Variants in ITGA1 observed in about 807,000 individuals in gnomAD.
ITGA1 encodes integrin alpha-1.
In ITGA1, 85 loss-of-function variants were observed where a neutral mutation model predicts 145.9. The observed-to-expected ratio is 0.58, with a 90% CI of 0.49 to 0.70. The LOEUF (loss-of-function observed/expected upper bound fraction) is 0.70. Among genes scored for constraint, ITGA1 ranks in the 30% least tolerant of loss-of-function variants. The probability of loss-of-function intolerance (pLI) is 0.00; values close to 1 mark genes in which losing one functional copy is unlikely to be tolerated. For missense variants in ITGA1, 1,351 were observed against 1,418.7 expected (o/e 0.95, Z 0.77); for synonymous variants, 520 against 495.3 (o/e 1.05, Z -0.66).
intron 1 of ITGA1, among the ~76,000 whole-genome samples, chr5:52,834,307 C>G (rs1256739686): frequency 6.6e-6 from 1 of 152,096 alleles, no homozygotes; most frequent in African/African-American, 2.4e-5. Flanking sequence ...GCTCTAGAAG[C>G]TAGAAGGCCA....
intron 1 of ITGA1, among the ~76,000 whole-genome samples, chr5:52,799,146 C>T (rs564881003): frequency 7.9e-4 from 121 of 152,292 alleles, no homozygotes; most frequent in Non-Finnish European, 1.3e-3. Flanking sequence ...CTGCCCTCCA[C>T]TCCATCTAAG....
intron 11 of ITGA1, chr5:52,904,808 G>A (rs1189720134): frequency 6.7e-6 from 1 of 148,978 alleles, no homozygotes; most frequent in Non-Finnish European, 1.5e-5. Context: ...AGCCGAGATC[G>A]CGCCACTGCA....
chr5:52,889,475 T>G (rs1750109129), intron 8 of ITGA1, among the ~76,000 whole-genome samples: 1 of 152,236 alleles, frequency 6.6e-6, no homozygotes, highest in South Asian at 2.1e-4. Context: ...ACAGTAATTT[T>G]AGTTCTTTTC....
At chr5:52,816,021 A>G (rs542541643) in intron 1 of ITGA1, among the ~76,000 whole-genome samples, 14 of 152,288 alleles carry the variant, frequency 9.2e-5, no homozygotes, top group African/African-American at 3.4e-4. Context: ...AGGCTGTGGA[A>G]TTACACCACC....
At chr5:52,900,681 A>G (rs184265711) in intron 11 of ITGA1, among the ~76,000 whole-genome samples, 1 of 152,328 alleles carries the variant, frequency 6.6e-6, no homozygotes, top group Admixed American at 6.5e-5. Context: ...CGATGAGGTC[A>G]TAGAGACTTG....
Position 52,932,063 on chromosome 5 carries a change from C to T in ITGA1, c.2788C>T (p.Pro930Ser). 1 of 1,607,488 alleles carries T rather than the reference C, an allele frequency of 6.2e-7. No individual in the cohort carries two copies. Among genetic ancestry groups the T allele is most frequent in the Non-Finnish European group, 8.5e-7 (1 of 1,174,350 alleles). The change falls in exon 22 of 29, where the codon CCT becomes TCT. Residue 930 changes from proline (P) to serine (S), a missense_variant. Coordinates refer to ENST00000282588, the MANE Select transcript of ITGA1 (RefSeq NM_181501.2). ...LSATSDSEEP[P>S]ETLSDNVVNI... ...ATTTTCTAGTGACAGCGAAGAACCT[C>T]CTGAAACCCTTTCTGATAATGTAGT...
At position 52,957,004 on chromosome 5, in the gene ITGA1, GAAGCAC is replaced by G. The variant is rs1432479072; in HGVS notation, c.*4554_*4559del. 1 of 152,172 alleles carries G rather than the reference GAAGCAC, an allele frequency of 6.6e-6. No homozygotes were observed. The highest frequency in any genetic ancestry group is 1.5e-5 in the Non-Finnish European group (1 of 68,036). The allele number at this position is 152,172 out of a possible 1,614,324, so 9.4% of individuals were successfully genotyped here. ...GGCTAAATGCTGCTGTTTCTAAGTG[GAAGCAC>G]TGTTGAACAACACTCTTAGGTGGAA... On this transcript the variant is annotated 3_prime_UTR_variant, in exon 29 of 29. Transcript: ENST00000282588.
intron 19 of ITGA1, among the ~76,000 whole-genome samples, chr5:52,926,190 G>A (rs1447079423): frequency 3.3e-5 from 5 of 152,014 alleles, no homozygotes; most frequent in African/African-American, 4.8e-5. Context: ...TCTACTTTCT[G>A]TAAACTCAGA....
At chr5:52,849,264 A>G (rs1392886827) in intron 1 of ITGA1, 101 bp from the exon 2 acceptor site, 14 of 999,800 alleles carry the variant, frequency 1.4e-5, no homozygotes, top group Non-Finnish European at 2.0e-5. Context: ...TTTTTAATAG[A>G]AACAGCTTTC....
At chr5:52,872,461 C>G (rs73106322) in intron 6 of ITGA1, among the ~76,000 whole-genome samples, 1,943 of 152,128 alleles carry the variant, frequency 0.013, 46 homozygotes, top group African/African-American at 0.045. Context: ...ACAAATAACT[C>G]TTCTTGTTGC....
rs568653407 is a variant in ITGA1, at chr5:52,913,361, G to A, written c.1858-2103G>A. Among the ~76,000 whole-genome samples, 124 of 152,076 alleles carry A rather than the reference G, an allele frequency of 8.2e-4. 4 individuals carry two copies. The South Asian group carries it at 0.021, about 25-fold the overall frequency. ...TTATCCATTAAGTTGATATATTTTC[G>A]TCAAGTGAATTACGATTTCTAAAGG... On this transcript the variant is annotated intron_variant, in intron 14 of 28. Transcript: ENST00000282588.
chr5:52,911,512 A>G (rs1750530495), intron 14 of ITGA1, among the ~76,000 whole-genome samples: 1 of 127,692 alleles, frequency 7.8e-6, no homozygotes, highest in Admixed American at 9.1e-5. Context: ...GATACACTAT[A>G]TATAGTATAT....
chr5:52,904,303 G>A (rs1304886624), intron 11 of ITGA1: 2 of 152,184 alleles, frequency 1.3e-5, no homozygotes, highest in Non-Finnish European at 2.9e-5. Flanking sequence ...TCTGTTTACA[G>A]GGCTCATGGT....
intron 9 of ITGA1, among the ~76,000 whole-genome samples, chr5:52,895,105 T>C (rs533507600): frequency 2.0e-5 from 3 of 151,884 alleles, no homozygotes; most frequent in Admixed American, 1.3e-4. Context: ...TCTCTTTCAA[T>C]GAAAAAAAAA....
chr5:52,933,904 G>A lies in ITGA1; in HGVS notation c.2872G>A (p.Glu958Lys). The change falls in exon 23 of 29, where the codon GAA becomes AAA. Residue 958 changes from glutamate (E) to lysine (K), a missense_variant. Glu to Lys is a moderately conservative substitution (Grantham distance 56). Transcript: ENST00000282588. ...AATTAATTTTTTAAGCTCTGCAAGT[G>A]AATACCACATTTCAATTGCTGCCAA... ...VGLQFYSSAS[E>K]YHISIAANET... 2 of 1,498,240 alleles carry A rather than the reference G, an allele frequency of 1.3e-6. No individual in the cohort carries two copies. The highest frequency in any genetic ancestry group is 1.8e-6 in the Non-Finnish European group (2 of 1,111,110). 92.8% of individuals were successfully genotyped at this position (1,498,240 alleles called of 1,614,324 possible).
intron 2 of ITGA1, among the ~76,000 whole-genome samples, chr5:52,854,703 T>C (rs1749480244): frequency 6.6e-6 from 1 of 152,086 alleles, no homozygotes; most frequent in South Asian, 2.1e-4. Context: ...GAAGAAAACA[T>C]AAATATGAAA....
chr5:52,823,093 T>C (rs1270545588), intron 1 of ITGA1, among the ~76,000 whole-genome samples: 3 of 152,210 alleles, frequency 2.0e-5, no homozygotes, highest in African/African-American at 2.4e-5. Flanking sequence ...GTTCTCTCAA[T>C]GGTGCCCCGA....
intron 6 of ITGA1, among the ~76,000 whole-genome samples, chr5:52,872,825 T>C (rs1749799494): frequency 6.6e-6 from 1 of 152,120 alleles, no homozygotes; most frequent in Non-Finnish European, 1.5e-5. Flanking sequence ...TCACTTTCTC[T>C]GTAATTTTCT....
At chr5:52,878,708 A>G (rs1749907228) in intron 6 of ITGA1, among the ~76,000 whole-genome samples, 1 of 152,216 alleles carries the variant, frequency 6.6e-6, no homozygotes. Context: ...GTAGTGTTTG[A>G]CAGCGCTCAA....
Sources: allele counts gnomAD v4.1 joint callset (sites outside exome capture counted in the v4.1 genomes callset), GRCh38; gene constraint gnomAD v4.1.1; transcripts MANE v1.5; gene names NCBI Gene and HGNC (gene_info 2026-07-23, HGNC 2026-07-21).